Variants in WDR4 observed in about 807,000 individuals in gnomAD.
WDR4 encodes the protein WDR4 tRNA N7-guanosine methyltransferase non-catalytic subunit, also known as tRNA (guanine-N(7)-)-methyltransferase non-catalytic subunit WDR4.
A neutral mutation model predicts 48.6 loss-of-function variants in WDR4; 47 were observed. The ratio of observed to expected loss-of-function variants is 0.97; its 90% confidence interval spans 0.77 to 1.23. The LOEUF (loss-of-function observed/expected upper bound fraction) is 1.23, where lower values mean the gene tolerates loss of function less well. Among genes scored for constraint, WDR4 ranks in the 50% most tolerant of loss-of-function variants. WDR4 has a pLI of 0.00. For missense variants in WDR4, 606 were observed against 551.6 expected, an observed-to-expected ratio of 1.10 and a Z score of -0.99; for synonymous variants, 268 against 230.0, an observed-to-expected ratio of 1.17 and a Z score of -1.49.
At chr21:42,887,940 A>T in the WDR4 span, among the ~76,000 whole-genome samples, 22 of 152,232 alleles carry the variant, frequency 1.4e-4, 1 homozygote, top group South Asian at 2.1e-3. Flanking sequence ...AACAAAAACA[A>T]AAACAAAAAA....
intron 2 of WDR4, among the ~76,000 whole-genome samples, chr21:42,874,619 A>C (rs567573324): frequency 1.6e-3 from 251 of 152,156 alleles, no homozygotes; most frequent in African/African-American, 5.8e-3. Flanking sequence ...GGCCTCTGAA[A>C]TGGCCCCCTT....
In WDR4 at chr21:42,873,684, C is replaced by G. The variant is rs766225019; in HGVS notation, c.163G>C (p.Ala55Pro). 3 of 1,613,674 alleles carry G rather than the reference C, an allele frequency of 1.9e-6. No homozygotes were observed. The highest frequency in any genetic ancestry group is 1.1e-5 in the South Asian group (1 of 91,002). The change falls in exon 3 of 11, where the codon GCG becomes CCG. Residue 55 changes from alanine to proline, a missense_variant. By Grantham distance (27) the Ala-to-Pro change is conservative. Coordinates refer to ENST00000398208, the MANE Select transcript of WDR4 (RefSeq NM_018669.6). ...GCACCGCTCCCCTGGTCCAAGGGCG[C>G]GTCCTCCCTGAGGAAGAGAGGAGGA... ...KKSQENKGEDAPLDQGSGAIL... is the reference protein window; with the variant it reads ...KKSQENKGEDPPLDQGSGAIL...
At chr21:42,878,041 C>A (rs1028938513) in intron 1 of WDR4, among the ~76,000 whole-genome samples, 509 of 114,322 alleles carry the variant, frequency 4.5e-3, no homozygotes, top group Middle Eastern at 8.8e-3. Flanking sequence ...CGAGACTCCT[C>A]AAAAAAAAAA....
downstream of WDR4, among the ~76,000 whole-genome samples, chr21:42,845,143 A>G (rs375913951): frequency 1.4e-4 from 22 of 152,326 alleles, 1 homozygote; most frequent in South Asian, 2.1e-3. Flanking sequence ...CCCTCCCACT[A>G]TGAAGCACAA....
chr21:42,888,139 A>T, the WDR4 span, among the ~76,000 whole-genome samples: 3 of 152,162 alleles, frequency 2.0e-5, no homozygotes, highest in Admixed American at 6.6e-5. Context: ...ATTTTTCAAT[A>T]TATTTGTTGA....
upstream of WDR4, among the ~76,000 whole-genome samples, chr21:42,880,048 T>C (rs1346697291): frequency 6.6e-6 from 1 of 151,380 alleles, no homozygotes; most frequent in African/African-American, 2.4e-5. Context: ...AAGAATTGCC[T>C]GAACCCGGGA....
At chr21:42,844,580 C>G (rs1205196892), downstream of WDR4, among the ~76,000 whole-genome samples, 3 of 152,168 alleles carry the variant, frequency 2.0e-5, no homozygotes, top group Non-Finnish European at 4.4e-5. Flanking sequence ...AACCTCGGAA[C>G]CCCACGTCGG....
At chr21:42,877,772 C>T (rs1342537945) in intron 1 of WDR4, among the ~76,000 whole-genome samples, 3 of 152,032 alleles carry the variant, frequency 2.0e-5, no homozygotes, top group African/African-American at 7.2e-5. Flanking sequence ...GGGCCGGGCG[C>T]GGTGGTTCAC....
chr21:42,861,935 A>T (rs1322283881), intron 5 of WDR4, among the ~76,000 whole-genome samples: 1 of 152,116 alleles, frequency 6.6e-6, no homozygotes, highest in Non-Finnish European at 1.5e-5. Flanking sequence ...ACTAAAGTTC[A>T]TCCTCGCCCC....
At chr21:42,856,277 C>T (rs6586252) in intron 6 of WDR4, among the ~76,000 whole-genome samples, 64,867 of 152,102 alleles carry the variant, frequency 0.43, 15,196 homozygotes, top group African/African-American at 0.62. Context: ...AACCGTCCCA[C>T]GACAACTGGT....
upstream of WDR4, among the ~76,000 whole-genome samples, chr21:42,880,907 C>T (rs2058603041): frequency 1.3e-5 from 2 of 151,060 alleles, no homozygotes; most frequent in Admixed American, 6.6e-5. Context: ...AGGTGCTCTC[C>T]ATGCCCAAGA....
Position 42,849,914 on chromosome 21 carries a change from G to A in WDR4, c.*135C>T, listed in dbSNP as rs930554833. On this transcript the variant is annotated 3_prime_UTR_variant, in exon 11 of 11. Transcript: ENST00000398208. ...CACAGAATGTTCTTTCTAGAGCCCAGGGGACAGCCCCATCCTCTGAGCTGG... is the reference window on the plus strand; with the variant it reads ...CACAGAATGTTCTTTCTAGAGCCCAAGGGACAGCCCCATCCTCTGAGCTGG... 1 of 1,084,222 alleles carries A rather than the reference G, an allele frequency of 9.2e-7. No individual in the cohort carries two copies. The allele number at this position is 1,084,222 out of a possible 1,614,324, so 67.2% of individuals were successfully genotyped here.
chr21:42,859,520 G>A (rs933430432), intron 6 of WDR4, 142 bp downstream of exon 6: 49 of 860,672 alleles, frequency 5.7e-5, no homozygotes, highest in Middle Eastern at 6.8e-4. Context: ...GGAGCGAGCC[G>A]CAGGCAGCTC....
intron 9 of WDR4, among the ~76,000 whole-genome samples, chr21:42,852,973 TACTCC>T (rs1180951891): frequency 6.6e-6 from 1 of 150,722 alleles, no homozygotes; most frequent in Non-Finnish European, 1.5e-5. Context: ...AATGGGTACC[TACTCC>T]ACTCAACTCC....
At chr21:42,872,164 A>G (rs1446670235) in intron 3 of WDR4, among the ~76,000 whole-genome samples, 1 of 151,972 alleles carries the variant, frequency 6.6e-6, no homozygotes, top group Non-Finnish European at 1.5e-5. Flanking sequence ...TTGTATTTTT[A>G]GTAGAGACGG....
chr21:42,878,540 A>T (rs777919620), intron 1 of WDR4, among the ~76,000 whole-genome samples: 5 of 152,198 alleles, frequency 3.3e-5, no homozygotes, highest in African/African-American at 4.8e-5. Context: ...TCTAAAACCA[A>T]ACGAACAAAA....
chr21:42,879,003 G>A (rs575820210), intron 1 of WDR4: 107 of 1,015,608 alleles, frequency 1.1e-4, no homozygotes, highest in Non-Finnish European at 1.2e-4. Context: ...AGGGAGACCC[G>A]AGACCCGCTT....
At chr21:42,855,614 C>T in intron 7 of WDR4, 68 bp downstream of exon 7, 1 of 1,239,782 alleles carries the variant, frequency 8.1e-7, no homozygotes, top group Non-Finnish European at 1.1e-6. Context: ...GTGACTTTTC[C>T]ACTCAAGTCA....
At chr21:42,851,567 G>C (rs2057828213) in intron 10 of WDR4, among the ~76,000 whole-genome samples, 1 of 152,132 alleles carries the variant, frequency 6.6e-6, no homozygotes, top group Non-Finnish European at 1.5e-5. Flanking sequence ...TTCCATGCTG[G>C]GCTAATCCAT....
Sources: gnomAD v4.1 joint callset for allele counts (sites outside exome capture counted in the v4.1 genomes callset) on GRCh38, gnomAD v4.1.1 for gene constraint, MANE v1.5 for transcripts, NCBI Gene and HGNC (gene_info 2026-07-23, HGNC 2026-07-21) for gene names.